The following RBFOX1 variants were observed in gnomAD, a reference collection of about 807,000 sequenced individuals.
RBFOX1 encodes RNA binding protein fox-1 homolog 1.
Under a neutral mutation model 57.7 loss-of-function variants are expected in RBFOX1, and 8 were observed. That is an observed-to-expected ratio of 0.14 (90% CI 0.08 to 0.25). The LOEUF is 0.25. Among genes scored for constraint, RBFOX1 ranks in the 10% least tolerant of loss-of-function variants. The pLI, the probability that RBFOX1 is intolerant of heterozygous loss-of-function variation, is 1.00. For missense variants in RBFOX1, 611 were observed against 548.5 expected (o/e 1.11, Z -1.14); for synonymous variants, 326 against 222.4 (o/e 1.47, Z -4.15).
chr16:7,578,858 T>C (rs773619358), intron 5 of RBFOX1, among the ~76,000 whole-genome samples: 1 of 152,208 alleles, frequency 6.6e-6, no homozygotes, highest in Non-Finnish European at 1.5e-5. Flanking sequence ...TGATACCTAA[T>C]GTGACTGTGA....
At position 6,401,097 on chromosome 16, in the gene RBFOX1, G is replaced by A. The variant is rs1281057016; in HGVS notation, c.-64+84040G>A. Among the ~76,000 whole-genome samples the A allele has an allele frequency of 2.6e-5, 4 of 152,154 alleles. No individual in the cohort carries two copies. In the East Asian group the frequency reaches 7.7e-4, roughly 29 times the overall value. ...TTAAAAGGAACCAAAACTTATTGGA[G>A]AAAGGGTGATTCCAGAACTGGGGCA... On this transcript the variant is annotated intron_variant, in intron 2 of 15. Coordinates refer to ENST00000550418, the MANE Select transcript of RBFOX1 (RefSeq NM_018723.4).
chr16:6,548,504 T>G (rs1275137957), intron 2 of RBFOX1, among the ~76,000 whole-genome samples: 1 of 152,196 alleles, frequency 6.6e-6, no homozygotes, highest in Non-Finnish European at 1.5e-5. Context: ...TCAGAATTTC[T>G]TCAGTTCCAA....
chr16:7,710,589 T>TA (rs1349324347), intron 15 of RBFOX1, 34 bp from the exon 16 acceptor site: 4 of 1,609,706 alleles, frequency 2.5e-6, no homozygotes, highest in African/African-American at 1.3e-5. Flanking sequence ...AAGGAAAATG[T>TA]AAAAAACACA....
chr16:5,855,976 C>CTTTTTTT (rs1160702604), intron 3 of RBFOX1, among the ~76,000 whole-genome samples: 74 of 77,684 alleles, frequency 9.5e-4, no homozygotes, highest in Non-Finnish European at 1.4e-3. Context: ...GTATGTTATT[C>CTTTTTTT]TTTTTTTTTT....
intron 3 of RBFOX1, among the ~76,000 whole-genome samples, chr16:6,932,488 A>G (rs1395215814): frequency 6.6e-6 from 1 of 152,190 alleles, no homozygotes; most frequent in Non-Finnish European, 1.5e-5. Flanking sequence ...CATTAAAACC[A>G]TAGCCCTTCT....
chr16:7,317,564 A>G (rs1298436294), intron 4 of RBFOX1, among the ~76,000 whole-genome samples: 1 of 152,194 alleles, frequency 6.6e-6, no homozygotes, highest in Non-Finnish European at 1.5e-5. Flanking sequence ...AAAGGCACTC[A>G]CCAGCTTGGT....
intron 1 of RBFOX1, among the ~76,000 whole-genome samples, chr16:6,308,199 GTATT>G (rs2079768981): frequency 6.6e-6 from 1 of 151,914 alleles, no homozygotes; most frequent in Non-Finnish European, 1.5e-5. Flanking sequence ...TTTACATTGT[GTATT>G]TATCTATTTG....
intron 4 of RBFOX1, among the ~76,000 whole-genome samples, chr16:7,210,772 A>C (rs574303327): frequency 1.1e-3 from 171 of 152,292 alleles, no homozygotes; most frequent in African/African-American, 3.7e-3. Flanking sequence ...GACATGTCCA[A>C]GGTCACACAG....
chr16:6,679,534 G>T (rs1370555178), intron 3 of RBFOX1, among the ~76,000 whole-genome samples: 3 of 152,044 alleles, frequency 2.0e-5, no homozygotes. Context: ...AGAGCAATGG[G>T]GAAACATGTA....
chr16:5,341,109 G>A (rs77183593), intron 1 of RBFOX1, among the ~76,000 whole-genome samples: 1,993 of 152,290 alleles, frequency 0.013, 50 homozygotes, highest in African/African-American at 0.045. Context: ...TGGTGAATTT[G>A]CAGGAGACCA....
At chr16:6,044,224 G>T (rs185307802) in intron 1 of RBFOX1, among the ~76,000 whole-genome samples, 1 of 152,288 alleles carries the variant, frequency 6.6e-6, no homozygotes, top group East Asian at 1.9e-4. Flanking sequence ...CAAAGCGTGG[G>T]ACTTAACCCC....
At chr16:7,283,147 C>T (rs1460451149) in intron 4 of RBFOX1, among the ~76,000 whole-genome samples, 1 of 151,932 alleles carries the variant, frequency 6.6e-6, no homozygotes, top group Non-Finnish European at 1.5e-5. Context: ...AATGGTAGTT[C>T]TACATTTAGG....
intron 4 of RBFOX1, among the ~76,000 whole-genome samples, chr16:7,128,081 A>C (rs1427790252): frequency 2.0e-5 from 3 of 152,166 alleles, no homozygotes; most frequent in East Asian, 1.9e-4. Context: ...ATGGGGGCTC[A>C]AGTGATGCAG....
chr16:7,418,146 C>G (rs1231904787), intron 4 of RBFOX1, among the ~76,000 whole-genome samples: 2 of 152,186 alleles, frequency 1.3e-5, no homozygotes, highest in African/African-American at 2.4e-5. Flanking sequence ...ATTAGCCATG[C>G]TGAGCTTGAG....
chr16:6,811,068 T>TG (rs1317145358), intron 3 of RBFOX1, among the ~76,000 whole-genome samples: 1 of 152,186 alleles, frequency 6.6e-6, no homozygotes, highest in Non-Finnish European at 1.5e-5. Flanking sequence ...AAAACACACC[T>TG]GGGTATTTCT....
chr16:6,979,786 G>A (rs1354569939), intron 3 of RBFOX1, among the ~76,000 whole-genome samples: 1 of 152,162 alleles, frequency 6.6e-6, no homozygotes, highest in South Asian at 2.1e-4. Flanking sequence ...ATCTCAGTGG[G>A]TATTCCACCC....
intron 1 of RBFOX1, among the ~76,000 whole-genome samples, chr16:5,269,072 G>A (rs2062935617): frequency 6.6e-6 from 1 of 152,266 alleles, no homozygotes; most frequent in Non-Finnish European, 1.5e-5. Flanking sequence ...CTGCCACCAT[G>A]CCTGGCTAAT....
rs796379157 is a variant in RBFOX1 at position 6,210,317 on chromosome 16, G to GA, written c.-126-106667dup. Reference sequence around the variant, plus strand: ...GGGTGACAAGAGTGCAATTCTGTCTGAAAAAAAAAAACAAAAAAACAAAAA... The same window carrying GA: ...GGGTGACAAGAGTGCAATTCTGTCTGAAAAAAAAAAAACAAAAAAACAAAAA... On this transcript the variant is annotated intron_variant, in intron 1 of 15. Transcript: ENST00000550418. Among the ~76,000 whole-genome samples, 229 of 14,202 alleles carry GA rather than the reference G, an allele frequency of 0.016. 4 individuals are homozygous for GA. The East Asian group carries it at 0.2, about 12-fold the overall frequency. The allele number at this position is 14,202 out of a possible 152,430, so 9.3% of individuals were successfully genotyped here.
At chr16:6,562,899 G>T (rs1370128282) in intron 2 of RBFOX1, among the ~76,000 whole-genome samples, 303 of 16,388 alleles carry the variant, frequency 0.018, 2 homozygotes, top group Non-Finnish European at 0.03. Context: ...TTTTTTTTTT[G>T]CATAGTTGTT....
Sources: allele counts gnomAD v4.1 joint callset (sites outside exome capture counted in the v4.1 genomes callset), GRCh38; gene constraint gnomAD v4.1.1; transcripts MANE v1.5; gene names NCBI Gene and HGNC (gene_info 2026-07-23, HGNC 2026-07-21).